Variants in ZNF385D observed in about 807,000 individuals in gnomAD.
The protein encoded by ZNF385D is zinc finger protein 659.
A neutral mutation model predicts 35.8 loss-of-function variants in ZNF385D; 15 were observed. That is an observed-to-expected ratio of 0.42 (90% CI 0.28 to 0.64). The LOEUF (loss-of-function observed/expected upper bound fraction) is 0.64. Among genes scored for constraint, ZNF385D ranks in the 30% least tolerant of loss-of-function variants. The probability of loss-of-function intolerance (pLI) is 0.23; values close to 1 mark genes in which losing one functional copy is unlikely to be tolerated. For missense variants in ZNF385D, 474 were observed against 494.6 expected (o/e 0.96, Z 0.39); for synonymous variants, 212 against 186.8 (o/e 1.13, Z -1.10).
At chr3:21,953,974 G>C (rs1702174991) in intron 3 of ZNF385D, among the ~76,000 whole-genome samples, 1 of 152,080 alleles carries the variant, frequency 6.6e-6, no homozygotes, top group African/African-American at 2.4e-5. Flanking sequence ...TAAAATCGTG[G>C]ATAAATATAA....
At chr3:22,096,843 G>A (rs936297961) in intron 3 of ZNF385D, among the ~76,000 whole-genome samples, 5 of 152,114 alleles carry the variant, frequency 3.3e-5, no homozygotes, top group African/African-American at 1.2e-4. Flanking sequence ...CTCATTGAGA[G>A]AAACTGTGCC....
At chr3:21,657,624 A>G (rs1266063389) in intron 2 of ZNF385D, among the ~76,000 whole-genome samples, 1 of 151,922 alleles carries the variant, frequency 6.6e-6, no homozygotes, top group Non-Finnish European at 1.5e-5. Context: ...AGCAATCAAT[A>G]CTGTATTTAC....
At chr3:21,476,666 T>A (rs1475902496) in intron 4 of ZNF385D, among the ~76,000 whole-genome samples, 1 of 152,084 alleles carries the variant, frequency 6.6e-6, no homozygotes, top group Non-Finnish European at 1.5e-5. Flanking sequence ...TCTTTTGAGA[T>A]TACATTTTTA....
intron 2 of ZNF385D, among the ~76,000 whole-genome samples, chr3:22,221,828 T>C (rs1289356811): frequency 6.6e-6 from 1 of 152,188 alleles, no homozygotes; most frequent in African/African-American, 2.4e-5. Context: ...TTTTGTCTCC[T>C]TTATTCATCA....
chr3:21,538,643 G>A (rs193017962), intron 3 of ZNF385D, among the ~76,000 whole-genome samples: 13 of 152,182 alleles, frequency 8.5e-5, no homozygotes, highest in African/African-American at 3.1e-4. Flanking sequence ...CCACCACTGT[G>A]TTACTTCCTA....
At chr3:21,427,805 A>G (rs923421451) in intron 5 of ZNF385D, among the ~76,000 whole-genome samples, 9 of 152,164 alleles carry the variant, frequency 5.9e-5, no homozygotes, top group African/African-American at 2.2e-4. Context: ...ATTTAAGTAT[A>G]GTCTCTCCAT....
chr3:21,695,667 C>T (rs1296947934), intron 1 of ZNF385D, among the ~76,000 whole-genome samples: 1 of 152,014 alleles, frequency 6.6e-6, no homozygotes, highest in Non-Finnish European at 1.5e-5. Context: ...CTCAGCCAGT[C>T]ATCAAGCTAT....
At chr3:22,188,834 TATTTC>T (rs1263544740) in intron 2 of ZNF385D, among the ~76,000 whole-genome samples, 5 of 152,242 alleles carry the variant, frequency 3.3e-5, no homozygotes, top group African/African-American at 9.6e-5. Flanking sequence ...TAAGCATTTC[TATTTC>T]ATTTCTTTTT....
At chr3:21,736,344 T>C (rs1383125065) in intron 1 of ZNF385D, among the ~76,000 whole-genome samples, 2 of 152,190 alleles carry the variant, frequency 1.3e-5, no homozygotes, top group Non-Finnish European at 2.9e-5. Context: ...TCTAAGCCTA[T>C]TGTGTGCTAA....
At chr3:21,489,124 C>A (rs1705232021) in intron 4 of ZNF385D, among the ~76,000 whole-genome samples, 10 of 152,000 alleles carry the variant, frequency 6.6e-5, no homozygotes, top group Admixed American at 6.6e-4. Context: ...ATTTTTCTGG[C>A]AGTTGATAGA....
rs529449957 is a variant in ZNF385D at position 22,290,459 on chromosome 3, A to C, written c.106+81991T>G. Among the ~76,000 whole-genome samples, 3 of 152,240 alleles carry C rather than the reference A, an allele frequency of 2.0e-5. No homozygotes were observed. The South Asian group carries it at 6.2e-4, about 32-fold the overall frequency. Reference sequence around the variant, plus strand: ...ACACCACAACACAGGGTTGGAGAAGAAGCTGGGAAGGGGACATAGCAAGGA... The same window carrying C: ...ACACCACAACACAGGGTTGGAGAAGCAGCTGGGAAGGGGACATAGCAAGGA... On this transcript the variant is annotated intron_variant, in intron 2 of 5. Coordinates refer to the ZNF385D transcript ENST00000494108.
chr3:22,212,460 A>C (rs1484318967), intron 2 of ZNF385D, among the ~76,000 whole-genome samples: 1 of 152,058 alleles, frequency 6.6e-6, no homozygotes, highest in African/African-American at 2.4e-5. Context: ...CCTGTTACAA[A>C]GTAATACATT....
chr3:21,846,538 G>T (rs1230554019), intron 3 of ZNF385D, among the ~76,000 whole-genome samples: 1 of 152,038 alleles, frequency 6.6e-6, no homozygotes, highest in Non-Finnish European at 1.5e-5. Context: ...AGGTGAAGCA[G>T]TCTTTTCCTC....
At position 22,107,029 on chromosome 3, in the gene ZNF385D, T is replaced by TTTTTTTTTTTTTTTTTTTTTTTTTG. The variant is rs1553609240; in HGVS notation, c.325+61787_325+61788insCAAAAAAAAAAAAAAAAAAAAAAAA. On this transcript the variant is annotated intron_variant, in intron 3 of 5. Coordinates refer to the ZNF385D transcript ENST00000494108. The stretch of plus-strand genomic sequence containing the variant: ...ATGCAAAAACTTTGGAATGAGAGTT[T>TTTTTTTTTTTTTTTTTTTTTTTTTG]TTTTTTTTTTTTTAGACAGAGTTTT... 1.4e-5 allele frequency among the ~76,000 whole-genome samples: 2 copies of TTTTTTTTTTTTTTTTTTTTTTTTTG among 146,536 alleles called. 1 individual carries two copies. The highest frequency in any genetic ancestry group is 3.0e-5 in the Non-Finnish European group (2 of 65,764).
chr3:21,928,837 T>G (rs1700871101), intron 3 of ZNF385D, among the ~76,000 whole-genome samples: 2 of 152,162 alleles, frequency 1.3e-5, no homozygotes, highest in African/African-American at 4.8e-5. Flanking sequence ...GATTTACTAA[T>G]TAAAATTATT....
chr3:21,864,831 ATTCT>A (rs1357188124), intron 3 of ZNF385D, among the ~76,000 whole-genome samples: 2 of 151,970 alleles, frequency 1.3e-5, no homozygotes, highest in Admixed American at 6.6e-5. Context: ...ATAAAATATC[ATTCT>A]TTATTATTCC....
intron 3 of ZNF385D, among the ~76,000 whole-genome samples, chr3:21,856,936 A>G (rs752228617): frequency 1.3e-5 from 2 of 152,156 alleles, no homozygotes; most frequent in Non-Finnish European, 2.9e-5. Flanking sequence ...AAAATGCAGA[A>G]GAGGCCAATC....
intron 3 of ZNF385D, among the ~76,000 whole-genome samples, chr3:22,110,853 A>AG: frequency 6.6e-6 from 1 of 152,136 alleles, no homozygotes; most frequent in East Asian, 1.9e-4. Flanking sequence ...GGTGCTACTG[A>AG]GGGGAATATG....
chr3:22,036,923 T>A (rs1344838383), intron 3 of ZNF385D, among the ~76,000 whole-genome samples: 2 of 142,506 alleles, frequency 1.4e-5, no homozygotes, highest in Non-Finnish European at 3.0e-5. Context: ...CCATGTGTTC[T>A]CATTGTTCAA....
Sources: allele counts gnomAD v4.1 joint callset (sites outside exome capture counted in the v4.1 genomes callset), GRCh38; gene constraint gnomAD v4.1.1; transcripts MANE v1.5; gene names NCBI Gene and HGNC (gene_info 2026-07-23, HGNC 2026-07-21).